ANKRD28: variants seen among roughly 807,000 people sequenced by gnomAD.
ANKRD28 encodes the protein ankyrin repeat domain 28, also known as serine/threonine-protein phosphatase 6 regulatory ankyrin repeat subunit A.
A neutral mutation model predicts 126.5 loss-of-function variants in ANKRD28; 44 were observed. The observed-to-expected ratio is 0.35, with a 90% confidence interval of 0.27 to 0.45. ANKRD28 has a LOEUF of 0.45. Among genes scored for constraint, ANKRD28 ranks in the 20% least tolerant of loss-of-function variants. The pLI, the probability that ANKRD28 is intolerant of heterozygous loss-of-function variation, is 1.00. For missense variants in ANKRD28, 1,110 were observed against 1,316.6 expected, an observed-to-expected ratio of 0.84 and a Z score of 2.43; for synonymous variants, 442 against 468.5, an observed-to-expected ratio of 0.94 and a Z score of 0.73.
At chr3:15,754,751 T>TG (rs2058064700) in intron 3 of ANKRD28, among the ~76,000 whole-genome samples, 1 of 152,076 alleles carries the variant, frequency 6.6e-6, no homozygotes, top group South Asian at 2.1e-4. Context: ...GTGTTGGTGG[T>TG]GGGAGGCACA....
At position 15,690,072 on chromosome 3, in the gene ANKRD28, G is replaced by A; in HGVS notation, c.1910C>T (p.Ala637Val). ...AATGTAATCTTTTACTAAGATTGAG[G>A]CTCCCTGATTAATGAGTACATCCAC... Reference protein sequence around the residue: ...ECVDVLINQGASILVKDYILK... With the variant: ...ECVDVLINQGVSILVKDYILK... Residue 637 changes from alanine to valine, a missense_variant, in exon 18 of 28, where the codon GCC (alanine) becomes GTC (valine). Transcript: ENST00000683139. 4 of 1,612,180 alleles carry A rather than the reference G, an allele frequency of 2.5e-6. No homozygotes were observed. The highest frequency in any genetic ancestry group is 3.4e-6 in the Non-Finnish European group (4 of 1,179,114).
chr3:15,744,050 T>C (rs1409090267), intron 4 of ANKRD28, among the ~76,000 whole-genome samples: 1 of 152,262 alleles, frequency 6.6e-6, no homozygotes, highest in Non-Finnish European at 1.5e-5. Flanking sequence ...GCCATAGCTA[T>C]ATTTTCTGTT....
At chr3:15,794,877 T>C (rs1475355145) in intron 2 of ANKRD28, among the ~76,000 whole-genome samples, 1 of 152,194 alleles carries the variant, frequency 6.6e-6, no homozygotes, top group Non-Finnish European at 1.5e-5. Flanking sequence ...ACTTACTACA[T>C]ATATATGTAA....
At chr3:15,840,326 C>T (rs1575803648) in intron 1 of ANKRD28, among the ~76,000 whole-genome samples, 1 of 151,720 alleles carries the variant, frequency 6.6e-6, no homozygotes, top group East Asian at 1.9e-4. Context: ...AGGAATTAAC[C>T]AAAGAAATGA....
chr3:15,685,562 C>A, intron 20 of ANKRD28, 117 bp from the exon 21 acceptor site: 1 of 882,916 alleles, frequency 1.1e-6, no homozygotes, highest in Non-Finnish European at 1.7e-6. Flanking sequence ...CAATTAAAGC[C>A]ATTTATCATT....
chr3:15,735,536 A>T, intron 5 of ANKRD28, 39 bp from the exon 6 acceptor site: 2 of 1,411,940 alleles, frequency 1.4e-6, no homozygotes, highest in Non-Finnish European at 1.9e-6. Flanking sequence ...AAAATTGTGA[A>T]GCACAATTGT....
intron 21 of ANKRD28, chr3:15,684,459 T>C (rs1367531947): frequency 6.6e-6 from 1 of 152,204 alleles, no homozygotes; most frequent in East Asian, 1.9e-4. Flanking sequence ...AACATGGATA[T>C]TACTGGTAAT....
intron 27 of ANKRD28, among the ~76,000 whole-genome samples, chr3:15,672,516 A>G (rs2066480785): frequency 6.6e-6 from 1 of 152,184 alleles, no homozygotes; most frequent in African/African-American, 2.4e-5. Flanking sequence ...ATGTCCTTCC[A>G]AGTTTGGCAG....
At chr3:15,722,901 C>T (rs1459862317) in intron 7 of ANKRD28, among the ~76,000 whole-genome samples, 1 of 151,812 alleles carries the variant, frequency 6.6e-6, no homozygotes, top group Non-Finnish European at 1.5e-5. Context: ...ATTAGCCCTC[C>T]AGTTTGTGGT....
intron 13 of ANKRD28, among the ~76,000 whole-genome samples, chr3:15,708,608 T>G (rs1389825951): frequency 6.6e-6 from 1 of 152,178 alleles, no homozygotes; most frequent in Non-Finnish European, 1.5e-5. Flanking sequence ...TACTAAAAAT[T>G]AATATAAACT....
intron 14 of ANKRD28, among the ~76,000 whole-genome samples, chr3:15,699,175 A>G (rs995141278): frequency 1.3e-5 from 2 of 152,224 alleles, no homozygotes; most frequent in Admixed American, 6.5e-5. Flanking sequence ...TGCTGGGAAA[A>G]CTGGCTAGCC....
At chr3:15,763,715 G>C (rs181735159) in intron 3 of ANKRD28, among the ~76,000 whole-genome samples, 2 of 152,294 alleles carry the variant, frequency 1.3e-5, no homozygotes, top group East Asian at 3.9e-4. Context: ...AAGGCAGCCA[G>C]TAGGGTTAGA....
chr3:15,764,092 C>A (rs576426149), intron 3 of ANKRD28, among the ~76,000 whole-genome samples: 2 of 152,126 alleles, frequency 1.3e-5, no homozygotes, highest in African/African-American at 4.8e-5. Context: ...AGGCCTGGTG[C>A]CACACACCTG....
At chr3:15,736,901 AG>A (rs1207658339) in intron 5 of ANKRD28, 131 bp downstream of exon 5, 3 of 897,544 alleles carry the variant, frequency 3.3e-6, no homozygotes, top group Non-Finnish European at 5.1e-6. Context: ...TTATAAAAGG[AG>A]GCAAAATTAG....
At chr3:15,680,184 T>C (rs1048502590) in intron 21 of ANKRD28, among the ~76,000 whole-genome samples, 1 of 152,154 alleles carries the variant, frequency 6.6e-6, no homozygotes, top group Non-Finnish European at 1.5e-5. Flanking sequence ...ACACATATCC[T>C]TCCATAATAG....
chr3:15,738,690 AGGGGTGAACC>A (rs1264375551), intron 4 of ANKRD28: 1 of 152,468 alleles, frequency 6.6e-6, no homozygotes, highest in Non-Finnish European at 1.5e-5. Context: ...TTGCCTAAGG[AGGGGTGAACC>A]GGCCCAGGTC....
In ANKRD28 at chr3:15,713,695, C is replaced by T. The variant is rs543589487; in HGVS notation, c.1076-54G>A. On this transcript the variant is annotated intron_variant, in intron 9 of 27. Transcript: ENST00000683139. ...TGGACCATATAAAGATCAGGTCAAA[C>T]GTACTACATGAAAAGTAATAAAAAA... The T allele has an allele frequency of 1.5e-5, 17 of 1,148,396 alleles. No individual in the cohort carries two copies. The East Asian group carries it at 1.6e-4, about 11-fold the overall frequency. 71.1% of individuals were successfully genotyped at this position (1,148,396 alleles called of 1,614,324 possible).
At chr3:15,780,043 C>A (rs1394785247) in intron 2 of ANKRD28, among the ~76,000 whole-genome samples, 2 of 152,272 alleles carry the variant, frequency 1.3e-5, no homozygotes, top group East Asian at 3.9e-4. Flanking sequence ...CTCACCACTC[C>A]TATCCACCAT....
At position 15,816,838 on chromosome 3, in the gene ANKRD28, G is replaced by T. The variant is rs2060841477; in HGVS notation, c.28-21532C>A. Among the ~76,000 whole-genome samples the T allele has an allele frequency of 6.6e-6, 1 of 152,148 alleles. No homozygotes were observed. Among genetic ancestry groups the T allele is most frequent in the Non-Finnish European group, 1.5e-5 (1 of 68,020 alleles). ...GTAAATCCAAACTGAGAGTAAATAT[G>T]TGCATAGGTTGTGCATAGATTAATC... On this transcript the variant is annotated intron_variant, in intron 1 of 27. Coordinates refer to the ANKRD28 transcript ENST00000399451. This position sits in a 1 kb window ranked among gnomAD's most constrained non-coding sequence, Gnocchi z 5.0.
Sources: allele counts gnomAD v4.1 joint callset (sites outside exome capture counted in the v4.1 genomes callset), GRCh38; gene constraint gnomAD v4.1.1; non-coding constraint Gnocchi (gnomAD v3.1); transcripts MANE v1.5; gene names NCBI Gene and HGNC (gene_info 2026-07-23, HGNC 2026-07-21).